Variants in CC2D2A observed in about 807,000 individuals in gnomAD.
CC2D2A encodes coiled-coil and C2 domain containing 2A, also known as coiled-coil and C2 domain-containing protein 2A.
CC2D2A carries 155 observed loss-of-function variants against 212.9 expected under a neutral mutation model. The observed-to-expected ratio is 0.73, with a 90% CI of 0.64 to 0.83. CC2D2A has a LOEUF of 0.83. Among genes scored for constraint, CC2D2A ranks in the 40% least tolerant of loss-of-function variants. CC2D2A has a pLI of 0.00. For synonymous variants in CC2D2A, 667 were observed against 686.5 expected (o/e 0.97, Z 0.44); for missense variants, 1,856 against 1,956.2 (o/e 0.95, Z 0.97).
intron 4 of CC2D2A, among the ~76,000 whole-genome samples, chr4:15,498,072 T>C (rs1715718051): frequency 6.6e-6 from 1 of 152,156 alleles, no homozygotes; most frequent in Non-Finnish European, 1.5e-5. Context: ...ACTATTTTAT[T>C]AAGCCTGGGT....
intron 11 of CC2D2A, among the ~76,000 whole-genome samples, chr4:15,524,611 C>T (rs1007662346): frequency 1.9e-4 from 29 of 151,934 alleles, no homozygotes; most frequent in East Asian, 1.2e-3. Context: ...CCACCACGCT[C>T]GGCTAATTTT....
At chr4:15,562,241 A>G (rs1719644468) in intron 23 of CC2D2A, among the ~76,000 whole-genome samples, 1 of 152,250 alleles carries the variant, frequency 6.6e-6, no homozygotes, top group Admixed American at 6.5e-5. Flanking sequence ...GAGGTCACTT[A>G]GCCAGCTCTG....
At chr4:15,601,173 C>A in intron 36 of CC2D2A, 64 bp from the exon 37 acceptor site, 2 of 1,304,030 alleles carry the variant, frequency 1.5e-6, no homozygotes, top group South Asian at 1.3e-5. Flanking sequence ...CATACATTTA[C>A]GTAGGAAAAA....
intron 4 of CC2D2A, among the ~76,000 whole-genome samples, chr4:15,493,744 T>C (rs1236075712): frequency 6.6e-6 from 1 of 152,234 alleles, no homozygotes; most frequent in African/African-American, 2.4e-5. Flanking sequence ...GGCATTCATT[T>C]GTTTTGTTTA....
At chr4:15,564,982 A>G (rs984754644) in intron 24 of CC2D2A, among the ~76,000 whole-genome samples, 19 of 152,176 alleles carry the variant, frequency 1.2e-4, no homozygotes, top group Admixed American at 6.5e-5. Context: ...CGGCTCCTAC[A>G]TATTTGTGTG....
At chr4:15,541,150 G>T in intron 17 of CC2D2A, 136 bp downstream of exon 17, 1 of 598,100 alleles carries the variant, frequency 1.7e-6, no homozygotes, top group Non-Finnish European at 2.6e-6. Flanking sequence ...CATCTCTACT[G>T]TAAATACAAA....
intron 8 of CC2D2A, among the ~76,000 whole-genome samples, chr4:15,514,309 A>C (rs191477922): frequency 1.3e-5 from 2 of 152,334 alleles, no homozygotes; most frequent in African/African-American, 4.8e-5. Context: ...GTGCACCTAT[A>C]CACTTGGTGC....
At position 15,551,019 on chromosome 4, in the gene CC2D2A, T is replaced by C. The variant is rs776639790; in HGVS notation, c.2338+39T>C. ...ATATCTTCAATGGTTCACTGTTTCA[T>C]TGTCAGATTTGAATGTGTATATATC... On this transcript the variant is annotated intron_variant, in intron 18 of 36. Coordinates refer to ENST00000424120, the MANE Select transcript of CC2D2A (RefSeq NM_001378615.1). The C allele has an allele frequency of 2.7e-6, 4 of 1,492,288 alleles. No homozygotes were observed. The South Asian group carries it at 3.7e-5, about 14-fold the overall frequency. 92.4% of individuals were successfully genotyped at this position (1,492,288 alleles called of 1,614,324 possible).
At chr4:15,574,046 G>A in intron 28 of CC2D2A, 104 bp from the exon 29 acceptor site, 1 of 937,962 alleles carries the variant, frequency 1.1e-6, no homozygotes, top group Non-Finnish European at 1.6e-6. Context: ...GCCAGTCTGA[G>A]CAATTTTGGT....
At chr4:15,500,375 G>A (rs1039437618) in intron 4 of CC2D2A, among the ~76,000 whole-genome samples, 17 of 152,082 alleles carry the variant, frequency 1.1e-4, no homozygotes, top group African/African-American at 3.6e-4. Flanking sequence ...AGGACTCTGC[G>A]CATATGCCAC....
chr4:15,573,226 C>T (rs1342892402), intron 28 of CC2D2A, among the ~76,000 whole-genome samples: 1 of 152,210 alleles, frequency 6.6e-6, no homozygotes, highest in African/African-American at 2.4e-5. Context: ...CACATTCCTT[C>T]CTGTGTCATC....
intron 23 of CC2D2A, 143 bp from the exon 24 acceptor site, chr4:15,563,212 T>C (rs1466642462): frequency 1.4e-6 from 1 of 736,114 alleles, no homozygotes; most frequent in Non-Finnish European, 2.2e-6. Context: ...GGAGAATTTC[T>C]AGACTATTTC....
intron 6 of CC2D2A, among the ~76,000 whole-genome samples, chr4:15,508,540 C>T (rs1716387637): frequency 6.6e-6 from 1 of 152,130 alleles, no homozygotes. Flanking sequence ...CTCAAGTGGC[C>T]TAAGTTGTAA....
At chr4:15,513,624 T>C (rs1216063470) in intron 8 of CC2D2A, among the ~76,000 whole-genome samples, 1 of 152,234 alleles carries the variant, frequency 6.6e-6, no homozygotes, top group Non-Finnish European at 1.5e-5. Context: ...CATTTAGCCT[T>C]TTTGAACAAA....
intron 30 of CC2D2A, among the ~76,000 whole-genome samples, chr4:15,580,838 A>G (rs1720631201): frequency 6.6e-6 from 1 of 152,206 alleles, no homozygotes; most frequent in Non-Finnish European, 1.5e-5. Context: ...CTGTACTAAG[A>G]TAACTATCCA....
Position 15,481,871 on chromosome 4 carries a change from C to G in CC2D2A, c.247+1044C>G, listed in dbSNP as rs755939310. ...TGTGTTAACCTAGTGAGGCTTGAAT[C>G]AGATGTTTGGAAGAAATGAGGGAGG... is the stretch of plus-strand genomic sequence containing the variant. On this transcript the variant is annotated intron_variant, in intron 4 of 36. Transcript: ENST00000424120. 8.3e-4 allele frequency: 815 copies of G among 985,372 alleles called. 1 individual carries two copies. The highest frequency in any genetic ancestry group is 8.9e-4 in the Non-Finnish European group (738 of 829,922). The allele number at this position is 985,372 out of a possible 1,614,324, so 61.0% of individuals were successfully genotyped here.
At chr4:15,571,579 G>A (rs1437858818) in intron 28 of CC2D2A, among the ~76,000 whole-genome samples, 1 of 149,356 alleles carries the variant, frequency 6.7e-6, no homozygotes, top group Non-Finnish European at 1.5e-5. Context: ...CTCCAGCCTG[G>A]GCAACAGAGC....
intron 20 of CC2D2A, among the ~76,000 whole-genome samples, chr4:15,555,424 G>T (rs947380099): frequency 6.6e-6 from 1 of 152,166 alleles, no homozygotes; most frequent in Non-Finnish European, 1.5e-5. Context: ...GGGGTCATGA[G>T]GAAATGAACA....
intron 30 of CC2D2A, 103 bp from the exon 31 acceptor site, chr4:15,586,054 C>A: frequency 1.3e-6 from 1 of 741,816 alleles, no homozygotes; most frequent in South Asian, 1.9e-5. Context: ...TCATTTTGTA[C>A]ATGTAAATGT....
Sources: allele counts gnomAD v4.1 joint callset (sites outside exome capture counted in the v4.1 genomes callset), GRCh38; gene constraint gnomAD v4.1.1; transcripts MANE v1.5; gene names NCBI Gene and HGNC (gene_info 2026-07-23, HGNC 2026-07-21).